The following MATCAP2 variants were observed in gnomAD, a reference collection of about 807,000 sequenced individuals.
MATCAP2 encodes the protein putative tyrosine carboxypeptidase MATCAP2.
the MATCAP2 span, among the ~76,000 whole-genome samples, chr7:36,382,736 A>G: frequency 6.6e-6 from 1 of 152,080 alleles, no homozygotes; most frequent in Non-Finnish European, 1.5e-5. Context: ...CTCGTGATCC[A>G]CCCGCCTTGG....
chr7:36,375,711 C>T, the MATCAP2 span, among the ~76,000 whole-genome samples: 1 of 152,244 alleles, frequency 6.6e-6, no homozygotes, highest in East Asian at 1.9e-4. Flanking sequence ...GTGAATCTGT[C>T]TGGTGCTGGA....
At chr7:36,332,446 G>A in the MATCAP2 span, among the ~76,000 whole-genome samples, 1 of 152,180 alleles carries the variant, frequency 6.6e-6, no homozygotes, top group Non-Finnish European at 1.5e-5. Flanking sequence ...AATTGGCTAT[G>A]CACACATGAA....
chr7:36,384,356 A>G, the MATCAP2 span, among the ~76,000 whole-genome samples: 1 of 152,208 alleles, frequency 6.6e-6, no homozygotes, highest in Non-Finnish European at 1.5e-5. Flanking sequence ...TGTGTTTTAT[A>G]TAAATAAGTA....
the MATCAP2 span, among the ~76,000 whole-genome samples, chr7:36,351,020 A>G: frequency 1.3e-5 from 2 of 152,236 alleles, no homozygotes; most frequent in African/African-American, 4.8e-5. Context: ...CCATGACTAT[A>G]TAGTTTACTA....
the MATCAP2 span, among the ~76,000 whole-genome samples, chr7:36,338,652 G>A: frequency 6.6e-6 from 1 of 151,868 alleles, no homozygotes; most frequent in African/African-American, 2.4e-5. Context: ...GTCTCACTAT[G>A]TTGACCAGGC....
At chr7:36,386,032 G>A in the MATCAP2 span, among the ~76,000 whole-genome samples, 1 of 151,996 alleles carries the variant, frequency 6.6e-6, no homozygotes, top group East Asian at 1.9e-4. Flanking sequence ...GCATATGCCT[G>A]TTGTCCCAGC....
chr7:36,354,228 C>T, the MATCAP2 span, among the ~76,000 whole-genome samples: 1 of 152,296 alleles, frequency 6.6e-6, no homozygotes, highest in East Asian at 1.9e-4. Context: ...TCCTGTATCA[C>T]CTCAGTGGTC....
At chr7:36,328,681 G>A in the MATCAP2 span, among the ~76,000 whole-genome samples, 1 of 151,874 alleles carries the variant, frequency 6.6e-6, no homozygotes. Flanking sequence ...GAGACGGGAG[G>A]TTGCAGTGAG....
the MATCAP2 span, chr7:36,326,676 T>C: frequency 8.0e-7 from 1 of 1,250,286 alleles, no homozygotes; most frequent in Non-Finnish European, 1.1e-6. Context: ...CTTTCTTCTT[T>C]TATAAATCTT....
At chr7:36,357,272 C>A in the MATCAP2 span, 1 of 1,614,156 alleles carries the variant, frequency 6.2e-7, no homozygotes, top group East Asian at 2.2e-5. Flanking sequence ...CCTCTCCAGG[C>A]AGTACCAAGT....
chr7:36,354,308 G>A, the MATCAP2 span, among the ~76,000 whole-genome samples: 2 of 152,212 alleles, frequency 1.3e-5, no homozygotes, highest in South Asian at 4.1e-4. Context: ...GACAATGATG[G>A]GGAGAACAGA....
the MATCAP2 span, chr7:36,336,214 A>C: frequency 6.5e-7 from 1 of 1,536,414 alleles, no homozygotes; most frequent in Non-Finnish European, 8.7e-7. Flanking sequence ...TTCGAGTTTT[A>C]GAGAGCAAGC....
chr7:36,357,168 T>G, the MATCAP2 span: 1 of 1,614,208 alleles, frequency 6.2e-7, no homozygotes, highest in Non-Finnish European at 8.5e-7. Flanking sequence ...CTTTTGGGTT[T>G]AGGTGGCAGT....
the MATCAP2 span, among the ~76,000 whole-genome samples, chr7:36,376,226 T>C: frequency 6.6e-6 from 1 of 152,216 alleles, no homozygotes; most frequent in East Asian, 1.9e-4. Flanking sequence ...TTGTGGGCAT[T>C]TAGTGCTATA....
At chr7:36,363,123 A>G in the MATCAP2 span, among the ~76,000 whole-genome samples, 10 of 152,216 alleles carry the variant, frequency 6.6e-5, no homozygotes, top group Non-Finnish European at 1.3e-4. Context: ...CCAGGAAGGT[A>G]AAAGAAAAAT....
the MATCAP2 span, chr7:36,389,867 C>G: frequency 7.6e-7 from 1 of 1,315,650 alleles, no homozygotes; most frequent in Non-Finnish European, 1.1e-6. Flanking sequence ...AGGCCGAGTC[C>G]GTCACTGGAA....
At chr7:36,375,881 T>C in the MATCAP2 span, among the ~76,000 whole-genome samples, 3 of 152,232 alleles carry the variant, frequency 2.0e-5, no homozygotes, top group Non-Finnish European at 4.4e-5. Context: ...TGCGTAGAGA[T>C]GTTTACAGTA....
chr7:36,368,694 G>C, the MATCAP2 span, among the ~76,000 whole-genome samples: 1 of 152,138 alleles, frequency 6.6e-6, no homozygotes, highest in Non-Finnish European at 1.5e-5. Flanking sequence ...TTCCTTTCCT[G>C]TGAAGTCCTT....
chr7:36,386,546 A>G, the MATCAP2 span, among the ~76,000 whole-genome samples: 1 of 152,156 alleles, frequency 6.6e-6, no homozygotes, highest in Non-Finnish European at 1.5e-5. Flanking sequence ...AAACCAAAAA[A>G]TTGGCAAGCC....
Sources: allele counts gnomAD v4.1 joint callset (sites outside exome capture counted in the v4.1 genomes callset), GRCh38; gene constraint gnomAD v4.1.1; transcripts MANE v1.5; gene names NCBI Gene and HGNC (gene_info 2026-07-23, HGNC 2026-07-21).